Variants in AOAH observed in about 807,000 individuals in gnomAD.
The protein encoded by AOAH is acyloxyacyl hydrolase (neutrophil).
Under a neutral mutation model 92.2 loss-of-function variants are expected in AOAH, and 64 were observed. The ratio of observed to expected loss-of-function variants is 0.69; its 90% CI spans 0.57 to 0.86. The LOEUF (loss-of-function observed/expected upper bound fraction) is 0.86. Among genes scored for constraint, AOAH ranks in the 40% least tolerant of loss-of-function variants. The pLI is 0.00. For synonymous variants in AOAH, 263 were observed against 254.5 expected (o/e 1.03, Z -0.32); for missense variants, 656 against 694.6 (o/e 0.94, Z 0.62).
Position 36,631,605 on chromosome 7 carries a change from C to T in AOAH, c.521+431G>A, listed in dbSNP as rs189977361. Among the ~76,000 whole-genome samples, 18 of 152,248 alleles carry T rather than the reference C, an allele frequency of 1.2e-4. No individual in the cohort carries two copies. The East Asian group carries it at 2.3e-3, about 20-fold the overall frequency. ...CAGATTTTTCATGTAATAGTTTGGG[C>T]GCTGTGAAAACACAGTCCCTGTCCA... On this transcript the variant is annotated intron_variant, in intron 6 of 20. Transcript: ENST00000617537.
intron 2 of AOAH, among the ~76,000 whole-genome samples, chr7:36,675,070 C>A (rs1057010277): frequency 3.9e-5 from 6 of 152,208 alleles, no homozygotes; most frequent in African/African-American, 1.4e-4. Flanking sequence ...GCCTGGCCAA[C>A]ATAGTGAAAC....
chr7:36,709,304 T>A (rs1249456057), intron 1 of AOAH, among the ~76,000 whole-genome samples: 1 of 152,120 alleles, frequency 6.6e-6, no homozygotes, highest in Non-Finnish European at 1.5e-5. Context: ...AGCTGGTTTT[T>A]GCAGCCAGTT....
chr7:36,561,136 G>C (rs1448535382), intron 13 of AOAH, among the ~76,000 whole-genome samples: 1 of 151,040 alleles, frequency 6.6e-6, no homozygotes, highest in Non-Finnish European at 1.5e-5. Flanking sequence ...CCACCTCCCA[G>C]GTTCAAGGGA....
chr7:36,653,475 C>G (rs1161634242), intron 4 of AOAH, among the ~76,000 whole-genome samples: 4 of 152,170 alleles, frequency 2.6e-5, no homozygotes, highest in Non-Finnish European at 5.9e-5. Context: ...TTGCCAAACC[C>G]ATTTATGTCA....
At chr7:36,532,989 C>T (rs1784788655) in intron 16 of AOAH, among the ~76,000 whole-genome samples, 1 of 152,120 alleles carries the variant, frequency 6.6e-6, no homozygotes, top group Admixed American at 6.5e-5. Context: ...CAGTGGATAT[C>T]TTATTTGACC....
chr7:36,628,060 A>T (rs531372398), intron 6 of AOAH, among the ~76,000 whole-genome samples: 1 of 152,250 alleles, frequency 6.6e-6, no homozygotes, highest in South Asian at 2.1e-4. Context: ...GAGAACAGAG[A>T]AGCCATGGAA....
chr7:36,535,095 TGTTTGTG>T (rs1562543528), intron 16 of AOAH, among the ~76,000 whole-genome samples: 4 of 104,718 alleles, frequency 3.8e-5, no homozygotes, highest in Non-Finnish European at 8.7e-5. Flanking sequence ...TCTGTGTGTG[TGTTTGTG>T]TGTGTCTGTG....
chr7:36,705,424 A>G (rs1033497974), intron 1 of AOAH, among the ~76,000 whole-genome samples: 1 of 152,208 alleles, frequency 6.6e-6, no homozygotes, highest in Non-Finnish European at 1.5e-5. Context: ...TACAACTTAC[A>G]AGGGATGTGA....
At chr7:36,656,787 TAA>T (rs1022650085) in intron 4 of AOAH, among the ~76,000 whole-genome samples, 2 of 145,674 alleles carry the variant, frequency 1.4e-5, no homozygotes, top group African/African-American at 5.2e-5. Context: ...GCCTGATAGG[TAA>T]AGTCTGCTGA....
intron 4 of AOAH, among the ~76,000 whole-genome samples, chr7:36,649,816 A>G (rs754154102): frequency 5.3e-5 from 8 of 152,156 alleles, no homozygotes; most frequent in Non-Finnish European, 8.8e-5. Context: ...ATCTCTTCAG[A>G]TCTGGCAGGG....
chr7:36,607,327 G>A (rs530990244), intron 11 of AOAH, among the ~76,000 whole-genome samples: 22 of 152,162 alleles, frequency 1.4e-4, no homozygotes, highest in Admixed American at 1.4e-3. Context: ...CAGACAATAC[G>A]ATCAGGTCCT....
chr7:36,513,631 G>A (rs1475980237), intron 20 of AOAH, among the ~76,000 whole-genome samples: 3 of 152,240 alleles, frequency 2.0e-5, no homozygotes, highest in African/African-American at 7.2e-5. Context: ...GCTTGGCCTT[G>A]CTAGTGACTG....
chr7:36,563,390 G>A (rs977747860), intron 13 of AOAH, among the ~76,000 whole-genome samples: 3 of 152,112 alleles, frequency 2.0e-5, no homozygotes, highest in African/African-American at 7.2e-5. Context: ...TGGGTTTTGG[G>A]CTGCCTTGAG....
chr7:36,663,349 C>A (rs1243501189), intron 3 of AOAH, among the ~76,000 whole-genome samples: 4 of 152,158 alleles, frequency 2.6e-5, no homozygotes, highest in Non-Finnish European at 4.4e-5. Context: ...CCTTAAGGTT[C>A]ACTCTTGGTG....
At chr7:36,538,008 CTTTTTTTT>C (rs200856759) in intron 16 of AOAH, among the ~76,000 whole-genome samples, 2 of 127,912 alleles carry the variant, frequency 1.6e-5, no homozygotes, top group African/African-American at 2.9e-5. Flanking sequence ...TTCGTACATT[CTTTTTTTT>C]TTTTTTTTTG....
At chr7:36,631,768 G>A (rs944465425) in intron 6 of AOAH, among the ~76,000 whole-genome samples, 19 of 152,142 alleles carry the variant, frequency 1.2e-4, no homozygotes, top group Admixed American at 3.3e-4. Flanking sequence ...GGCACTTGCC[G>A]GCAGTGAGCC....
chr7:36,716,339 A>G (rs1799168480), intron 1 of AOAH, among the ~76,000 whole-genome samples: 1 of 151,148 alleles, frequency 6.6e-6, no homozygotes, highest in Non-Finnish European at 1.5e-5. Flanking sequence ...GCTGGAGAGG[A>G]TGTGGAGAAA....
At chr7:36,601,938 T>A (rs1790639989) in intron 11 of AOAH, among the ~76,000 whole-genome samples, 1 of 152,218 alleles carries the variant, frequency 6.6e-6, no homozygotes, top group Non-Finnish European at 1.5e-5. Flanking sequence ...TTACACATTT[T>A]CATGTAACAG....
At chr7:36,637,041 C>T (rs890031844) in intron 5 of AOAH, among the ~76,000 whole-genome samples, 9 of 152,150 alleles carry the variant, frequency 5.9e-5, no homozygotes, top group African/African-American at 9.7e-5. Flanking sequence ...AGGATAATGT[C>T]GTGCTTTAAA....
Sources: allele counts gnomAD v4.1 joint callset (sites outside exome capture counted in the v4.1 genomes callset), GRCh38; gene constraint gnomAD v4.1.1; transcripts MANE v1.5; gene names NCBI Gene and HGNC (gene_info 2026-07-23, HGNC 2026-07-21).